The following GRIA4 variants were observed in gnomAD, a reference collection of about 807,000 sequenced individuals.
GRIA4 encodes the protein glutamate ionotropic receptor AMPA type subunit 4.
A neutral mutation model predicts 104.0 loss-of-function variants in GRIA4; 34 were observed. The ratio of observed to expected loss-of-function variants is 0.33; its 90% CI spans 0.25 to 0.44. The LOEUF is 0.44. Among genes scored for constraint, GRIA4 ranks in the 20% least tolerant of loss-of-function variants. The pLI is 1.00. For synonymous variants in GRIA4, 386 were observed against 381.9 expected, an observed-to-expected ratio of 1.01 and a Z score of -0.13; for missense variants, 750 against 1,096.5, an observed-to-expected ratio of 0.68 and a Z score of 4.46.
At chr11:105,751,768 T>A (rs1043831030) in intron 3 of GRIA4, among the ~76,000 whole-genome samples, 8 of 152,206 alleles carry the variant, frequency 5.3e-5, no homozygotes, top group Admixed American at 5.2e-4. Flanking sequence ...TAGAAAACTG[T>A]GTTAAAATCT....
chr11:105,737,594 A>G (rs1395259323), intron 3 of GRIA4, among the ~76,000 whole-genome samples: 2 of 152,172 alleles, frequency 1.3e-5, no homozygotes, highest in Non-Finnish European at 2.9e-5. Context: ...TGCTTTAAGA[A>G]GTGGCTTCTT....
chr11:105,704,576 A>G (rs573837082), intron 3 of GRIA4, among the ~76,000 whole-genome samples: 1 of 152,236 alleles, frequency 6.6e-6, no homozygotes, highest in African/African-American at 2.4e-5. Context: ...CAAAAAATGG[A>G]CAAATTTGCA....
intron 4 of GRIA4, among the ~76,000 whole-genome samples, chr11:105,787,804 A>G (rs894316644): frequency 4.0e-5 from 6 of 151,896 alleles, no homozygotes; most frequent in Admixed American, 2.6e-4. Flanking sequence ...ACATTTAAAA[A>G]TTTTGCTTAA....
chr11:105,900,370 C>A (rs1005788718), intron 7 of GRIA4, among the ~76,000 whole-genome samples: 1 of 152,078 alleles, frequency 6.6e-6, no homozygotes, highest in Admixed American at 6.5e-5. Context: ...GCCAATCAGG[C>A]CTTTCCAAGT....
At chr11:105,883,867 G>C (rs990255576) in intron 5 of GRIA4, among the ~76,000 whole-genome samples, 2 of 152,070 alleles carry the variant, frequency 1.3e-5, no homozygotes, top group Non-Finnish European at 2.9e-5. Context: ...CTTCTACAAT[G>C]GTTGAACTAG....
chr11:105,854,186 A>G (rs1432144795), intron 4 of GRIA4, among the ~76,000 whole-genome samples: 1 of 152,132 alleles, frequency 6.6e-6, no homozygotes, highest in Non-Finnish European at 1.5e-5. Context: ...AATCTAGAGT[A>G]TATTAGGTGG....
intron 4 of GRIA4, among the ~76,000 whole-genome samples, chr11:105,836,123 T>C (rs1944174643): frequency 6.6e-6 from 1 of 152,104 alleles, no homozygotes; most frequent in Non-Finnish European, 1.5e-5. Context: ...AAATAGGCTC[T>C]TAGAAAAAGG....
chr11:105,817,728 G>GAGAGTATT (rs1237349472), intron 4 of GRIA4, among the ~76,000 whole-genome samples: 2 of 151,968 alleles, frequency 1.3e-5, no homozygotes, highest in African/African-American at 4.8e-5. Flanking sequence ...ATTATATATA[G>GAGAGTATT]AGAGTATTTC....
intron 3 of GRIA4, among the ~76,000 whole-genome samples, chr11:105,728,791 T>C (rs1938391335): frequency 6.6e-6 from 1 of 152,060 alleles, no homozygotes; most frequent in Non-Finnish European, 1.5e-5. Flanking sequence ...ATAAATAAGT[T>C]CCTTGAAACT....
intron 5 of GRIA4, among the ~76,000 whole-genome samples, chr11:105,875,232 G>C (rs1455753728): frequency 6.6e-6 from 1 of 152,166 alleles, no homozygotes; most frequent in Non-Finnish European, 1.5e-5. Flanking sequence ...ATTTGCATAT[G>C]TTGAACCAGC....
intron 4 of GRIA4, among the ~76,000 whole-genome samples, chr11:105,861,532 G>A (rs920032729): frequency 7.2e-5 from 11 of 151,962 alleles, no homozygotes; most frequent in Non-Finnish European, 1.0e-4. Context: ...ATAAAGCACC[G>A]AGAATAATGA....
At chr11:105,764,101 A>AT (rs1261435186) in intron 4 of GRIA4, among the ~76,000 whole-genome samples, 1 of 151,916 alleles carries the variant, frequency 6.6e-6, no homozygotes. Context: ...CCAAGAGATT[A>AT]TTTTTTCTGT....
At chr11:105,948,595 G>GTTTTT (rs3060323) in intron 14 of GRIA4, among the ~76,000 whole-genome samples, 62 of 87,836 alleles carry the variant, frequency 7.1e-4, no homozygotes, top group Non-Finnish European at 8.9e-4. Context: ...TTTTCTTTTT[G>GTTTTT]TTTTTTTTTT....
chr11:105,791,163 G>C (rs1421406996), intron 4 of GRIA4, among the ~76,000 whole-genome samples: 1 of 152,080 alleles, frequency 6.6e-6, no homozygotes, highest in Non-Finnish European at 1.5e-5. Flanking sequence ...TTTAATACAA[G>C]ATACATGAGA....
chr11:105,874,020 G>C (rs1025881402), intron 5 of GRIA4, among the ~76,000 whole-genome samples: 6 of 152,076 alleles, frequency 3.9e-5, no homozygotes, highest in Non-Finnish European at 8.8e-5. Context: ...GTATTGCCTA[G>C]GTCTTCTTCT....
intron 3 of GRIA4, among the ~76,000 whole-genome samples, chr11:105,738,312 G>A (rs534864724): frequency 4.6e-5 from 7 of 152,186 alleles, no homozygotes; most frequent in Admixed American, 4.6e-4. Flanking sequence ...CCTCTTGTTT[G>A]CCTCCATTCA....
intron 2 of GRIA4, among the ~76,000 whole-genome samples, chr11:105,611,623 T>A (rs573770770): frequency 5.1e-4 from 77 of 152,268 alleles, no homozygotes; most frequent in Admixed American, 1.1e-3. Flanking sequence ...TCTCCCCTTT[T>A]ATTTTGTTTT....
chr11:105,976,277 A>T (rs917348161), intron 16 of GRIA4, among the ~76,000 whole-genome samples: 1 of 152,050 alleles, frequency 6.6e-6, no homozygotes, highest in African/African-American at 2.4e-5. Flanking sequence ...CAAAGCAAAT[A>T]AAAAAAGAGT....
intron 7 of GRIA4, 120 bp downstream of exon 7, chr11:105,898,547 T>C: frequency 1.5e-6 from 1 of 653,742 alleles, no homozygotes; most frequent in Non-Finnish European, 2.7e-6. Flanking sequence ...GAAAAAAGCA[T>C]TTTGTCCTTA....
Sources: gnomAD v4.1 joint callset for allele counts (sites outside exome capture counted in the v4.1 genomes callset) on GRCh38, gnomAD v4.1.1 for gene constraint, MANE v1.5 for transcripts, NCBI Gene and HGNC (gene_info 2026-07-23, HGNC 2026-07-21) for gene names.